The following ZBTB20 variants were observed in gnomAD, a reference collection of about 807,000 sequenced individuals.
ZBTB20 encodes the protein zinc finger and BTB domain-containing protein 20.
ZBTB20 carries 9 observed loss-of-function variants against 56.9 expected under a neutral mutation model. The observed-to-expected ratio is 0.16, with a 90% CI of 0.10 to 0.28. The LOEUF is 0.28. Among genes scored for constraint, ZBTB20 ranks in the 10% least tolerant of loss-of-function variants. The probability of loss-of-function intolerance (pLI) is 1.00; values close to 1 mark genes in which losing one functional copy is unlikely to be tolerated. For missense variants in ZBTB20, 655 were observed against 1,003.0 expected, an observed-to-expected ratio of 0.65 and a Z score of 4.69; for synonymous variants, 417 against 420.7, an observed-to-expected ratio of 0.99 and a Z score of 0.11.
chr3:114,768,489 A>G (rs142282867), intron 5 of ZBTB20, among the ~76,000 whole-genome samples: 47 of 152,254 alleles, frequency 3.1e-4, no homozygotes, highest in Admixed American at 1.2e-3. Flanking sequence ...TATTGTGATT[A>G]GCAACTCATC....
intron 6 of ZBTB20, among the ~76,000 whole-genome samples, chr3:114,584,318 G>A (rs575485833): frequency 3.3e-5 from 5 of 151,974 alleles, no homozygotes; most frequent in Non-Finnish European, 7.4e-5. Flanking sequence ...CAAAAATAGT[G>A]TATCATTTAT....
chr3:114,497,899 A>G (rs2043469706), intron 7 of ZBTB20, among the ~76,000 whole-genome samples: 1 of 152,204 alleles, frequency 6.6e-6, no homozygotes, highest in African/African-American at 2.4e-5. Context: ...GGAGCCCATT[A>G]GCAATCTAAT....
chr3:114,639,263 G>T (rs1020438225), intron 6 of ZBTB20, among the ~76,000 whole-genome samples: 9 of 152,034 alleles, frequency 5.9e-5, no homozygotes, highest in African/African-American at 2.2e-4. Context: ...TAAACATAAG[G>T]TGTGATTTAA....
At chr3:115,092,362 T>G (rs1047843505) in intron 1 of ZBTB20, among the ~76,000 whole-genome samples, 1 of 152,104 alleles carries the variant, frequency 6.6e-6, no homozygotes, top group African/African-American at 2.4e-5. Context: ...CCTTTCTAAA[T>G]GGACAAATTT....
At chr3:114,990,627 G>A (rs1258143671) in intron 2 of ZBTB20, among the ~76,000 whole-genome samples, 3 of 152,172 alleles carry the variant, frequency 2.0e-5, no homozygotes, top group African/African-American at 7.2e-5. Context: ...CATAAAATGA[G>A]TTAGGGAGGA....
At chr3:114,614,078 T>C (rs933531643) in intron 6 of ZBTB20, among the ~76,000 whole-genome samples, 1 of 152,220 alleles carries the variant, frequency 6.6e-6, no homozygotes, top group African/African-American at 2.4e-5. Context: ...AGAATCTACG[T>C]AGTCTTCACT....
chr3:114,588,291 A>G (rs1422891913), intron 6 of ZBTB20, among the ~76,000 whole-genome samples: 2 of 152,154 alleles, frequency 1.3e-5, no homozygotes, highest in Non-Finnish European at 2.9e-5. Context: ...TCCCATTCGT[A>G]TGTAACTCAG....
chr3:115,113,792 A>G (rs1457734802), intron 1 of ZBTB20, among the ~76,000 whole-genome samples: 1 of 152,090 alleles, frequency 6.6e-6, no homozygotes, highest in Non-Finnish European at 1.5e-5. Flanking sequence ...GCAGCATAAT[A>G]CTTATAGGCT....
At chr3:114,883,020 T>C (rs759929616) in intron 4 of ZBTB20, among the ~76,000 whole-genome samples, 1 of 152,218 alleles carries the variant, frequency 6.6e-6, no homozygotes, top group Non-Finnish European at 1.5e-5. Context: ...TCAACTTCAC[T>C]GGGATTTCAT....
intron 5 of ZBTB20, among the ~76,000 whole-genome samples, chr3:114,788,589 G>C (rs1349766934): frequency 6.6e-6 from 1 of 151,926 alleles, no homozygotes; most frequent in Non-Finnish European, 1.5e-5. Flanking sequence ...TCACCTTTTG[G>C]CTATCAACTG....
chr3:114,402,582 C>A (rs2086915332), intron 7 of ZBTB20, among the ~76,000 whole-genome samples: 1 of 152,166 alleles, frequency 6.6e-6, no homozygotes, highest in East Asian at 1.9e-4. Context: ...CACAGAACAG[C>A]AGGGATCTTG....
chr3:114,663,630 T>C (rs2060878860), intron 6 of ZBTB20, among the ~76,000 whole-genome samples: 1 of 151,566 alleles, frequency 6.6e-6, no homozygotes, highest in Non-Finnish European at 1.5e-5. Flanking sequence ...CAGTGTGCTA[T>C]ATTCAGGAAA....
At chr3:114,859,191 C>T (rs1351547681) in intron 4 of ZBTB20, among the ~76,000 whole-genome samples, 1 of 151,854 alleles carries the variant, frequency 6.6e-6, no homozygotes, top group Non-Finnish European at 1.5e-5. Context: ...CACCTTTCTT[C>T]CTTCCTTCCT....
At chr3:114,356,788 T>C (rs1560127162) in intron 10 of ZBTB20, among the ~76,000 whole-genome samples, 1 of 151,952 alleles carries the variant, frequency 6.6e-6, no homozygotes, top group African/African-American at 2.4e-5. Context: ...TCCTCATATA[T>C]GCCAAGGGAG....
chr3:114,939,024 T>G (rs2076643850), intron 3 of ZBTB20, among the ~76,000 whole-genome samples: 1 of 145,380 alleles, frequency 6.9e-6, no homozygotes, highest in South Asian at 2.2e-4. Context: ...GTTCAGTCAC[T>G]CGGTGGAAGC....
rs191669676 is a variant in ZBTB20 at position 114,517,307 on chromosome 3, T to C, written c.-294-16916A>G. Among the ~76,000 whole-genome samples the C allele has an allele frequency of 3.4e-4, 52 of 152,304 alleles. 1 individual carries two copies. The highest frequency in any genetic ancestry group is 3.3e-3 in the Admixed American group (51 of 15,298). On this transcript the variant is annotated intron_variant, in intron 6 of 11. Coordinates refer to ENST00000675478, the MANE Select transcript of ZBTB20 (RefSeq NM_001348800.3). ...AGTTTAAATTCCAGTAGAGGGAACA[T>C]ATATTAAACAAGAAAATAAGTAAAT...
At chr3:114,788,832 A>C (rs904898719) in intron 5 of ZBTB20, among the ~76,000 whole-genome samples, 1 of 152,216 alleles carries the variant, frequency 6.6e-6, no homozygotes, top group Non-Finnish European at 1.5e-5. Flanking sequence ...GAGGCCTCAC[A>C]ATCATGGCAG....
At position 114,506,509 on chromosome 3, in the gene ZBTB20, G is replaced by T. The variant is rs567066507; in HGVS notation, c.-294-6118C>A. Among the ~76,000 whole-genome samples the T allele has an allele frequency of 9.9e-5, 15 of 152,208 alleles. No homozygotes were observed. In the South Asian group the frequency reaches 3.1e-3, roughly 32 times the overall value. On this transcript the variant is annotated intron_variant, in intron 6 of 11. Transcript: ENST00000675478. ...GACCGAATTTGTTTAATACATTTAG[G>T]ATGGTTTTTTATTGCTGCTAAACTA...
intron 6 of ZBTB20, among the ~76,000 whole-genome samples, chr3:114,594,419 A>G (rs2056124660): frequency 6.6e-6 from 1 of 151,940 alleles, no homozygotes; most frequent in Non-Finnish European, 1.5e-5. Flanking sequence ...GGCACATGTC[A>G]CTACACCGGG....
Sources: gnomAD v4.1 joint callset for allele counts (sites outside exome capture counted in the v4.1 genomes callset) on GRCh38, gnomAD v4.1.1 for gene constraint, MANE v1.5 for transcripts, NCBI Gene and HGNC (gene_info 2026-07-23, HGNC 2026-07-21) for gene names.